Variants in HTR7 observed in about 807,000 individuals in gnomAD.
HTR7 encodes 5-hydroxytryptamine receptor 7.
A neutral mutation model predicts 34.0 loss-of-function variants in HTR7; 16 were observed. That is an observed-to-expected ratio of 0.47 (90% CI 0.32 to 0.71). The LOEUF is 0.71. HTR7 is among the 30% of genes least tolerant of loss of function. The pLI is 0.04. For missense variants in HTR7, 504 were observed against 625.5 expected, an observed-to-expected ratio of 0.81 and a Z score of 2.07; for synonymous variants, 265 against 260.2, an observed-to-expected ratio of 1.02 and a Z score of -0.18.
intron 1 of HTR7, among the ~76,000 whole-genome samples, chr10:90,770,977 C>A (rs939087016): frequency 6.6e-6 from 1 of 152,236 alleles, no homozygotes; most frequent in Non-Finnish European, 1.5e-5. Context: ...CACTTCCTCC[C>A]ATCTGAGGCC....
intron 1 of HTR7, among the ~76,000 whole-genome samples, chr10:90,780,624 A>C (rs1845294041): frequency 6.6e-6 from 1 of 152,180 alleles, no homozygotes; most frequent in African/African-American, 2.4e-5. Context: ...TGATTAAATG[A>C]ATACACAAAT....
chr10:90,773,163 T>C (rs1845145194), intron 1 of HTR7, among the ~76,000 whole-genome samples: 1 of 152,196 alleles, frequency 6.6e-6, no homozygotes, highest in South Asian at 2.1e-4. Flanking sequence ...ATTTAAAGCA[T>C]CCCTTGCTTT....
chr10:90,762,802 A>C (rs1432220199), intron 1 of HTR7, among the ~76,000 whole-genome samples: 2 of 152,138 alleles, frequency 1.3e-5, no homozygotes, highest in Non-Finnish European at 2.9e-5. Flanking sequence ...ATTTCAAGTT[A>C]ATTTTTGGGA....
intron 1 of HTR7, among the ~76,000 whole-genome samples, chr10:90,751,421 C>A (rs1233054737): frequency 6.6e-6 from 1 of 152,142 alleles, no homozygotes; most frequent in Non-Finnish European, 1.5e-5. Flanking sequence ...CAGCCTTTCC[C>A]AGACATGGAT....
intron 1 of HTR7, among the ~76,000 whole-genome samples, chr10:90,796,553 GTC>G (rs1845540870): frequency 1.3e-5 from 2 of 152,168 alleles, no homozygotes; most frequent in Admixed American, 6.5e-5. Context: ...GCCAGACCCT[GTC>G]TCTAAATAAG....
At chr10:90,791,452 A>T (rs1845458414) in intron 1 of HTR7, among the ~76,000 whole-genome samples, 1 of 152,134 alleles carries the variant, frequency 6.6e-6, no homozygotes, top group Non-Finnish European at 1.5e-5. Context: ...GAATTCAACA[A>T]GAGGACTAAG....
chr10:90,761,523 C>G (rs1844934614), intron 1 of HTR7, among the ~76,000 whole-genome samples: 1 of 152,066 alleles, frequency 6.6e-6, no homozygotes, highest in Non-Finnish European at 1.5e-5. Context: ...TTTAAGGATG[C>G]AATCAGGCCT....
chr10:90,818,779 T>A (rs1004714559), intron 1 of HTR7, among the ~76,000 whole-genome samples: 3 of 152,084 alleles, frequency 2.0e-5, no homozygotes, highest in Non-Finnish European at 2.9e-5. Flanking sequence ...AAATCTCAGG[T>A]CAAATTATAA....
At chr10:90,817,331 A>G (rs1334446222) in intron 1 of HTR7, among the ~76,000 whole-genome samples, 1 of 152,174 alleles carries the variant, frequency 6.6e-6, no homozygotes, top group African/African-American at 2.4e-5. Context: ...AGCTAAAAAG[A>G]AACTAGTCCT....
intron 1 of HTR7, among the ~76,000 whole-genome samples, chr10:90,794,254 T>G (rs1442688962): frequency 6.6e-6 from 1 of 152,150 alleles, no homozygotes; most frequent in Non-Finnish European, 1.5e-5. Context: ...AAGGTAGGTG[T>G]TCGGGGCACC....
At chr10:90,813,298 G>A (rs1045363325) in intron 1 of HTR7, among the ~76,000 whole-genome samples, 12 of 152,078 alleles carry the variant, frequency 7.9e-5, no homozygotes, top group Admixed American at 3.9e-4. Context: ...GAGGCGGGCC[G>A]ATCACCTGAG....
intron 1 of HTR7, among the ~76,000 whole-genome samples, chr10:90,808,235 T>C (rs1845734131): frequency 6.6e-6 from 1 of 150,830 alleles, no homozygotes; most frequent in Admixed American, 6.6e-5. Flanking sequence ...TCTCTGTGTC[T>C]CTACCCCGTC....
chr10:90,814,293 G>A (rs1845864192), intron 1 of HTR7, among the ~76,000 whole-genome samples: 1 of 152,152 alleles, frequency 6.6e-6, no homozygotes, highest in Non-Finnish European at 1.5e-5. Context: ...ATGATGATAG[G>A]AATATTCACC....
At chr10:90,777,945 T>C (rs958130336) in intron 1 of HTR7, among the ~76,000 whole-genome samples, 1 of 152,278 alleles carries the variant, frequency 6.6e-6, no homozygotes, top group South Asian at 2.1e-4. Context: ...CTTCATCTCT[T>C]CCTCTTCTGT....
chr10:90,784,723 T>C (rs1022652181), intron 1 of HTR7, among the ~76,000 whole-genome samples: 7 of 152,224 alleles, frequency 4.6e-5, no homozygotes, highest in Admixed American at 2.6e-4. Context: ...CTTTATCCTA[T>C]GTGGAGCCAA....
chr10:90,798,195 C>A (rs1222746434), intron 1 of HTR7, among the ~76,000 whole-genome samples: 1 of 152,202 alleles, frequency 6.6e-6, no homozygotes, highest in African/African-American at 2.4e-5. Flanking sequence ...TCCACTTCTT[C>A]TCAAGCAGCA....
intron 1 of HTR7, among the ~76,000 whole-genome samples, chr10:90,789,721 G>T (rs998375167): frequency 6.6e-6 from 1 of 152,154 alleles, no homozygotes; most frequent in African/African-American, 2.4e-5. Context: ...TGCACTTGCT[G>T]AATGCATTAT....
At chr10:90,848,562 C>T (rs1846448272) in intron 1 of HTR7, among the ~76,000 whole-genome samples, 1 of 152,060 alleles carries the variant, frequency 6.6e-6, no homozygotes, top group Non-Finnish European at 1.5e-5. Flanking sequence ...AATGATATGA[C>T]ATCTGAAATT....
intron 1 of HTR7, among the ~76,000 whole-genome samples, chr10:90,822,182 A>G (rs915659530): frequency 1.3e-5 from 2 of 152,228 alleles, no homozygotes; most frequent in African/African-American, 2.4e-5. Flanking sequence ...AGATGGTAGG[A>G]AAGTTTGGAA....
Sources: gnomAD v4.1 joint callset for allele counts (sites outside exome capture counted in the v4.1 genomes callset) on GRCh38, gnomAD v4.1.1 for gene constraint, MANE v1.5 for transcripts, NCBI Gene and HGNC (gene_info 2026-07-23, HGNC 2026-07-21) for gene names.